SVOPL: variants seen among roughly 807,000 people sequenced by gnomAD.
The protein encoded by SVOPL is SVOP like, also known as putative transporter SVOPL.
In SVOPL, 60 loss-of-function variants were observed where a neutral mutation model predicts 61.0. That is an observed-to-expected ratio of 0.98 (90% CI 0.80 to 1.22). The LOEUF (loss-of-function observed/expected upper bound fraction) is 1.22, where lower values mean the gene tolerates loss of function less well. SVOPL is among the 50% of genes most tolerant of loss of function. The probability of loss-of-function intolerance (pLI) is 0.00; values close to 1 mark genes in which losing one functional copy is unlikely to be tolerated. For missense variants in SVOPL, 662 were observed against 643.9 expected, an observed-to-expected ratio of 1.03 and a Z score of -0.30; for synonymous variants, 279 against 250.0, an observed-to-expected ratio of 1.12 and a Z score of -1.09.
intron 13 of SVOPL, among the ~76,000 whole-genome samples, chr7:138,624,426 G>A (rs1799805721): frequency 6.6e-6 from 1 of 152,120 alleles, no homozygotes; most frequent in Non-Finnish European, 1.5e-5. Flanking sequence ...GATCTGCCTT[G>A]TTCTCCATTT....
At chr7:138,662,956 G>A in intron 5 of SVOPL, 118 bp downstream of exon 5, 2 of 1,527,700 alleles carry the variant, frequency 1.3e-6, no homozygotes, top group Non-Finnish European at 1.8e-6. Flanking sequence ...GGAAATGTCT[G>A]CATTTTCTAT....
intron 1 of SVOPL, among the ~76,000 whole-genome samples, chr7:138,687,536 C>T (rs1255759003): frequency 6.6e-6 from 1 of 151,544 alleles, no homozygotes; most frequent in Non-Finnish European, 1.5e-5. Context: ...TGCACTTGCC[C>T]TACATTTTTT....
intron 4 of SVOPL, among the ~76,000 whole-genome samples, chr7:138,669,614 A>G (rs533271823): frequency 2.0e-5 from 3 of 151,802 alleles, no homozygotes; most frequent in African/African-American, 7.3e-5. Context: ...TTCCTGTGCA[A>G]CTCCACCCCT....
chr7:138,632,934 T>C (rs542649244), intron 9 of SVOPL, among the ~76,000 whole-genome samples: 2 of 152,332 alleles, frequency 1.3e-5, no homozygotes, highest in South Asian at 2.1e-4. Context: ...TTTGCAACTG[T>C]TTTTACTGTT....
intron 3 of SVOPL, among the ~76,000 whole-genome samples, chr7:138,676,445 G>A (rs1360677962): frequency 6.6e-6 from 1 of 151,046 alleles, no homozygotes; most frequent in African/African-American, 2.5e-5. Flanking sequence ...CGAGAGTGGA[G>A]GAACCACTGC....
rs552908851 is a variant in SVOPL at position 138,620,699 on chromosome 7, C to CT, written c.1353+346dup. Among the ~76,000 whole-genome samples the CT allele has an allele frequency of 6.6e-4, 100 of 152,292 alleles. 3 individuals are homozygous for CT. The South Asian group carries it at 0.02, about 31-fold the overall frequency. On this transcript the variant is annotated intron_variant, in intron 14 of 15. Transcript: ENST00000674285. ...TGTTTTACAGTTGCCACCTGGACAA[C>CT]TGACCAGACAACAATTCTAACTCAG...
chr7:138,603,839 A>G (rs1034187916), intron 14 of SVOPL, among the ~76,000 whole-genome samples: 1 of 152,018 alleles, frequency 6.6e-6, no homozygotes, highest in African/African-American at 2.4e-5. Flanking sequence ...AAACTTTCTT[A>G]TAAAAACCTT....
intron 12 of SVOPL, 149 bp from the exon 13 acceptor site, chr7:138,626,199 G>A (rs1185751117): frequency 1.8e-5 from 13 of 709,526 alleles, no homozygotes; most frequent in Non-Finnish European, 1.9e-5. Flanking sequence ...TGGCCTGATT[G>A]TGGGGTCCTT....
At chr7:138,658,741 C>G (rs955488815) in intron 6 of SVOPL, among the ~76,000 whole-genome samples, 2 of 152,184 alleles carry the variant, frequency 1.3e-5, no homozygotes, top group Non-Finnish European at 2.9e-5. Flanking sequence ...GAGAAAACTG[C>G]TCCTGCTGGA....
chr7:138,699,837 T>C lies in SVOPL; in HGVS notation c.-35+1341A>G, dbSNP rs111446789. ...GTTCAGTGCCCGTCACTTGTAACAC[T>C]GGTCTTCCCAATGCATAGCCCTTGA... On this transcript the variant is annotated intron_variant, in intron 1 of 15. Coordinates refer to ENST00000674285, the MANE Select transcript of SVOPL (RefSeq NM_001139456.2). 1.9e-3 allele frequency among the ~76,000 whole-genome samples: 288 copies of C among 152,318 alleles called. 2 individuals are homozygous for C. The highest frequency in any genetic ancestry group is 6.5e-3 in the African/African-American group (272 of 41,572).
At chr7:138,654,684 G>A (rs954427717) in intron 7 of SVOPL, among the ~76,000 whole-genome samples, 3 of 150,744 alleles carry the variant, frequency 2.0e-5, no homozygotes, top group Admixed American at 6.6e-5. Flanking sequence ...CCTACTTCTC[G>A]GAAAAAAAGG....
chr7:138,638,638 AAACTT>A (rs1800622076), intron 9 of SVOPL, among the ~76,000 whole-genome samples: 1 of 119,664 alleles, frequency 8.4e-6, no homozygotes, highest in Non-Finnish European at 1.9e-5. Flanking sequence ...AAAACAAAAT[AAACTT>A]AAGTTCAAAG....
intron 14 of SVOPL, among the ~76,000 whole-genome samples, chr7:138,607,392 G>A (rs1198387603): frequency 6.6e-6 from 1 of 152,182 alleles, no homozygotes; most frequent in African/African-American, 2.4e-5. Flanking sequence ...AAAGAGTAGA[G>A]GAAGACAAGT....
chr7:138,630,253 T>C, intron 9 of SVOPL, 131 bp from the exon 10 acceptor site: 1 of 703,572 alleles, frequency 1.4e-6, no homozygotes, highest in East Asian at 2.6e-5. Flanking sequence ...ACTCAGCTCC[T>C]ATGAGTACAG....
chr7:138,671,870 C>T (rs951259844), intron 4 of SVOPL, 149 bp downstream of exon 4: 12 of 650,880 alleles, frequency 1.8e-5, no homozygotes, highest in Admixed American at 2.8e-5. Flanking sequence ...AAAAAGGTGA[C>T]GAAGACATCA....
intron 1 of SVOPL, among the ~76,000 whole-genome samples, chr7:138,683,816 G>A (rs1198822237): frequency 6.6e-6 from 1 of 151,930 alleles, no homozygotes; most frequent in African/African-American, 2.4e-5. Context: ...CGTTTTGTGA[G>A]GCTGAGGCGG....
chr7:138,697,284 C>G (rs987704636), intron 1 of SVOPL, among the ~76,000 whole-genome samples: 1 of 151,656 alleles, frequency 6.6e-6, no homozygotes, highest in Non-Finnish European at 1.5e-5. Flanking sequence ...TGTATTTTAC[C>G]ATAGTTTTTA....
At chr7:138,627,000 T>C (rs527746804) in intron 12 of SVOPL, among the ~76,000 whole-genome samples, 32 of 152,178 alleles carry the variant, frequency 2.1e-4, no homozygotes, top group Non-Finnish European at 3.1e-4. Flanking sequence ...ATAAGCACAC[T>C]GTCTGTATTA....
At chr7:138,690,854 C>G (rs1278865443) in intron 1 of SVOPL, among the ~76,000 whole-genome samples, 1 of 152,116 alleles carries the variant, frequency 6.6e-6, no homozygotes, top group Non-Finnish European at 1.5e-5. Context: ...CTCACTTCAG[C>G]CTCTGCCTCC....
Sources: gnomAD v4.1 joint callset for allele counts (sites outside exome capture counted in the v4.1 genomes callset) on GRCh38, gnomAD v4.1.1 for gene constraint, MANE v1.5 for transcripts, NCBI Gene and HGNC (gene_info 2026-07-23, HGNC 2026-07-21) for gene names.